RASSF8: variants seen among roughly 807,000 people sequenced by gnomAD.
RASSF8 encodes the protein Ras association domain family member 8.
A neutral mutation model predicts 48.5 loss-of-function variants in RASSF8; 22 were observed. The ratio of observed to expected loss-of-function variants is 0.45; its 90% CI spans 0.32 to 0.65. The LOEUF (loss-of-function observed/expected upper bound fraction) is 0.65, where lower values mean the gene tolerates loss of function less well. RASSF8 is among the 30% of genes least tolerant of loss of function. The probability of loss-of-function intolerance (pLI) is 0.03; values close to 1 mark genes in which losing one functional copy is unlikely to be tolerated. For missense variants in RASSF8, 418 were observed against 489.2 expected, an observed-to-expected ratio of 0.85 and a Z score of 1.37; for synonymous variants, 127 against 171.5, an observed-to-expected ratio of 0.74 and a Z score of 2.03.
chr12:26,066,665 C>A (rs1446348284), intron 4 of RASSF8, among the ~76,000 whole-genome samples: 2 of 152,152 alleles, frequency 1.3e-5, no homozygotes, highest in African/African-American at 4.8e-5. Context: ...TCCCTCTACC[C>A]ACTGAAAAGT....
intron 1 of RASSF8, among the ~76,000 whole-genome samples, chr12:25,965,975 A>G (rs1941350967): frequency 6.6e-6 from 1 of 152,232 alleles, no homozygotes; most frequent in Non-Finnish European, 1.5e-5. Flanking sequence ...TGGCTATTAC[A>G]AATAAAGCTG....
chr12:26,069,073 G>A lies in RASSF8; in HGVS notation c.*255G>A. The A allele has an allele frequency of 2.6e-6, 3 of 1,141,884 alleles. No individual in the cohort carries two copies. Among genetic ancestry groups the A allele is most frequent in the Non-Finnish European group, 3.2e-6 (3 of 926,518 alleles). The allele number at this position is 1,141,884 out of a possible 1,614,324, so 70.7% of individuals were successfully genotyped here. A position where few individuals can be genotyped will look rare whatever the true frequency, so the allele number is the denominator to read the frequency against. ...TGCAAAGCCTTCGTTTTTATTTGTA[G>A]CATTTTGAGAGCTTTAGGAAAGTAT... On this transcript the variant is annotated 3_prime_UTR_variant, in exon 6 of 6. Coordinates refer to ENST00000689635, the MANE Select transcript of RASSF8 (RefSeq NM_001394098.1).
chr12:25,986,007 G>A (rs1011937017), intron 1 of RASSF8, among the ~76,000 whole-genome samples: 6 of 152,204 alleles, frequency 3.9e-5, no homozygotes, highest in Non-Finnish European at 7.3e-5. Flanking sequence ...TTTGAACAGT[G>A]GCTTGGCCCA....
At chr12:26,010,019 G>A (rs546677167) in intron 2 of RASSF8, among the ~76,000 whole-genome samples, 1 of 152,314 alleles carries the variant, frequency 6.6e-6, no homozygotes, top group African/African-American at 2.4e-5. Context: ...GGTGGTCCTG[G>A]AGTGAGGGTG....
At chr12:26,011,232 T>C (rs1369143675) in intron 2 of RASSF8, among the ~76,000 whole-genome samples, 1 of 152,208 alleles carries the variant, frequency 6.6e-6, no homozygotes, top group Non-Finnish European at 1.5e-5. Context: ...GCCCCAGTTC[T>C]GCCTAAGAAC....
chr12:25,996,860 C>T (rs1187302449), intron 2 of RASSF8, among the ~76,000 whole-genome samples: 2 of 152,174 alleles, frequency 1.3e-5, no homozygotes, highest in African/African-American at 2.4e-5. Flanking sequence ...TTCCCTAAAC[C>T]TTTCTGAATG....
At position 26,065,149 on chromosome 12, in the gene RASSF8, C is replaced by T. The variant is rs758727545; in HGVS notation, c.755C>T (p.Thr252Ile). ...CTTCAAGAAATAAGACAGAAAATAACAGAATGTGAAAACAAATTAAAGGAC... is the reference window on the plus strand; with the variant it reads ...CTTCAAGAAATAAGACAGAAAATAATAGAATGTGAAAACAAATTAAAGGAC... ...DQLQEIRQKI[T>I]ECENKLKDYL... The change falls in exon 4 of 6, where the codon ACA becomes ATA. Residue 252 changes from threonine to isoleucine, a missense_variant. Transcript: ENST00000689635. The T allele has an allele frequency of 3.7e-6, 6 of 1,613,820 alleles. No homozygotes were observed. The highest frequency in any genetic ancestry group is 5.1e-6 in the Non-Finnish European group (6 of 1,179,890).
chr12:25,989,136 T>C (rs1272177662), intron 1 of RASSF8, among the ~76,000 whole-genome samples: 1 of 152,168 alleles, frequency 6.6e-6, no homozygotes, highest in Non-Finnish European at 1.5e-5. Context: ...CAGGTTTCTT[T>C]CCCTCCCAAC....
chr12:26,067,502 C>T lies in RASSF8; in HGVS notation c.994-67C>T, dbSNP rs1198175043. ...TTAACCCCTGTAGCAGATGGATCCTCACAAAGATGTCTTGCACTGTCCAGT... is the reference window on the plus strand; with the variant it reads ...TTAACCCCTGTAGCAGATGGATCCTTACAAAGATGTCTTGCACTGTCCAGT... On this transcript the variant is annotated intron_variant, in intron 4 of 5. Transcript: ENST00000689635. The T allele has an allele frequency of 6.2e-6, 9 of 1,460,432 alleles. No individual in the cohort carries two copies. The Admixed American group carries it at 1.9e-4, about 30-fold the overall frequency. 90.5% of individuals were successfully genotyped at this position (1,460,432 alleles called of 1,614,324 possible).
chr12:25,983,805 G>C (rs1361065964), intron 1 of RASSF8, among the ~76,000 whole-genome samples: 3 of 152,112 alleles, frequency 2.0e-5, no homozygotes, highest in Non-Finnish European at 4.4e-5. Context: ...TAAAAATAGT[G>C]AACAACCAGT....
At chr12:25,988,160 C>G (rs1008392222) in intron 1 of RASSF8, among the ~76,000 whole-genome samples, 1 of 151,784 alleles carries the variant, frequency 6.6e-6, no homozygotes, top group African/African-American at 2.4e-5. Context: ...CACGCCTGGT[C>G]GAAATTAATG....
At chr12:26,037,167 C>A (rs571130332) in intron 2 of RASSF8, among the ~76,000 whole-genome samples, 1 of 152,060 alleles carries the variant, frequency 6.6e-6, no homozygotes, top group Admixed American at 6.6e-5. Flanking sequence ...GTACCCAGGG[C>A]GGGGCAGTAG....
At chr12:25,983,064 A>G (rs1383610175) in intron 1 of RASSF8, among the ~76,000 whole-genome samples, 2 of 152,236 alleles carry the variant, frequency 1.3e-5, no homozygotes, top group African/African-American at 4.8e-5. Flanking sequence ...AATGACAGTC[A>G]GGAATCACAA....
chr12:25,981,054 G>A (rs1192334398), intron 1 of RASSF8, among the ~76,000 whole-genome samples: 1 of 152,078 alleles, frequency 6.6e-6, no homozygotes, highest in East Asian at 1.9e-4. Flanking sequence ...GTATGATCAG[G>A]GTCGGATGCG....
chr12:26,073,730 A>ACACTCT (rs145089685), downstream of RASSF8, among the ~76,000 whole-genome samples: 84 of 138,248 alleles, frequency 6.1e-4, no homozygotes, highest in African/African-American at 2.3e-3. Flanking sequence ...CAAAAGCGAG[A>ACACTCT]CTCTCTCTCT....
At position 26,072,466 on chromosome 12, in the gene RASSF8, T is replaced by G; in HGVS notation, c.*3648T>G. The G allele has an allele frequency of 1.0e-6, 1 of 964,600 alleles. No individual in the cohort carries two copies. Among genetic ancestry groups the G allele is most frequent in the Non-Finnish European group, 1.2e-6 (1 of 810,998 alleles). 59.8% of individuals were successfully genotyped at this position (964,600 alleles called of 1,614,324 possible). ...TAGAAACCAAATAAATGCAGAAAAC[T>G]ATTTCGTATACTAATTATATTAAAC... On this transcript the variant is annotated 3_prime_UTR_variant, in exon 6 of 6. Transcript: ENST00000689635.
At chr12:25,986,733 TGGCTTCTCATAACCCTGACAA>T (rs903517331) in intron 1 of RASSF8, among the ~76,000 whole-genome samples, 64 of 152,194 alleles carry the variant, frequency 4.2e-4, no homozygotes, top group Non-Finnish European at 3.5e-4. Flanking sequence ...CAGTGGCCAT[TGGCTTCTCATAACCCTGACAA>T]GGCTCCTAGT....
intron 1 of RASSF8, among the ~76,000 whole-genome samples, chr12:25,990,967 T>C (rs1222173228): frequency 1.3e-5 from 2 of 151,756 alleles, no homozygotes; most frequent in East Asian, 3.9e-4. Context: ...GAGTAGAGAG[T>C]AGCTGGTTTC....
chr12:26,010,384 A>G (rs967851232), intron 2 of RASSF8, among the ~76,000 whole-genome samples: 10 of 152,196 alleles, frequency 6.6e-5, no homozygotes, highest in African/African-American at 2.2e-4. Context: ...AGCCTGTAGA[A>G]TAAAGCAAGT....
Sources: gnomAD v4.1 joint callset for allele counts (sites outside exome capture counted in the v4.1 genomes callset) on GRCh38, gnomAD v4.1.1 for gene constraint, MANE v1.5 for transcripts, NCBI Gene and HGNC (gene_info 2026-07-23, HGNC 2026-07-21) for gene names.